The following MGAT5 variants were observed in gnomAD, a reference collection of about 807,000 sequenced individuals.
The protein encoded by MGAT5 is alpha-1,6-mannosylglycoprotein 6-beta-N-acetylglucosaminyltransferase.
In MGAT5, 30 loss-of-function variants were observed where a neutral mutation model predicts 94.3. The ratio of observed to expected loss-of-function variants is 0.32; its 90% CI spans 0.24 to 0.43. The LOEUF (loss-of-function observed/expected upper bound fraction) is 0.43, where lower values mean the gene tolerates loss of function less well. MGAT5 is among the 20% of genes least tolerant of loss of function. The pLI, the probability that MGAT5 is intolerant of heterozygous loss-of-function variation, is 1.00. For missense variants in MGAT5, 691 were observed against 905.5 expected, an observed-to-expected ratio of 0.76 and a Z score of 3.04; for synonymous variants, 310 against 322.9, an observed-to-expected ratio of 0.96 and a Z score of 0.43.
intron 3 of MGAT5, 40 bp from the exon 4 acceptor site, chr2:134,318,610 C>T (rs764149992): frequency 8.3e-6 from 12 of 1,442,244 alleles, no homozygotes; most frequent in Non-Finnish European, 1.2e-5. Context: ...ATGTGGAGGG[C>T]CTGTGAATGG....
chr2:134,267,693 A>G (rs578072220), intron 1 of MGAT5, among the ~76,000 whole-genome samples: 2 of 152,350 alleles, frequency 1.3e-5, no homozygotes, highest in African/African-American at 2.4e-5. Context: ...ACTATCACCA[A>G]TAACAATGGA....
intron 2 of MGAT5, among the ~76,000 whole-genome samples, chr2:134,315,609 G>A (rs1023734645): frequency 2.0e-5 from 3 of 152,212 alleles, no homozygotes; most frequent in African/African-American, 7.2e-5. Context: ...AGTAAAAGTT[G>A]TGTGGAATTA....
chr2:134,133,679 T>G (rs896442006), intron 1 of MGAT5, among the ~76,000 whole-genome samples: 2 of 152,214 alleles, frequency 1.3e-5, no homozygotes, highest in African/African-American at 4.8e-5. Flanking sequence ...GAGAAAGGTT[T>G]AATCAAAGGG....
chr2:134,286,709 C>T (rs761096202), intron 2 of MGAT5, among the ~76,000 whole-genome samples: 11 of 152,276 alleles, frequency 7.2e-5, no homozygotes, highest in South Asian at 4.1e-4. Context: ...TGAGCCACCG[C>T]GCCCAACTGA....
intron 2 of MGAT5, among the ~76,000 whole-genome samples, chr2:134,292,426 A>C (rs1168000202): frequency 1.3e-5 from 2 of 152,144 alleles, no homozygotes; most frequent in Non-Finnish European, 2.9e-5. Flanking sequence ...TCACAGGTGG[A>C]ACAACTCTCT....
At chr2:134,336,312 T>C (rs2105980184) in intron 5 of MGAT5, 24 bp downstream of exon 5, 1 of 1,596,132 alleles carries the variant, frequency 6.3e-7, no homozygotes, top group African/African-American at 1.3e-5. Context: ...GAAAACTCTT[T>C]CTAGACTTGT....
intron 1 of MGAT5, among the ~76,000 whole-genome samples, chr2:134,233,487 T>C (rs1681475669): frequency 6.6e-6 from 1 of 152,260 alleles, no homozygotes; most frequent in African/African-American, 2.4e-5. Flanking sequence ...GTGCATTTTT[T>C]TTATGTGTTT....
chr2:134,325,359 T>C (rs1441870937), intron 4 of MGAT5, among the ~76,000 whole-genome samples: 1 of 152,128 alleles, frequency 6.6e-6, no homozygotes, highest in Non-Finnish European at 1.5e-5. Flanking sequence ...CTAAAAATAC[T>C]TTTAAAATTA....
rs140360637 is a variant in MGAT5 at position 134,371,169 on chromosome 2, G to T, written c.1380+8761G>T. ...GCTTGGGTGGCAAAGGAGATGCCCGGATTCTCATTTCCGTTGAGCCATTTA... is the reference window on the plus strand; with the variant it reads ...GCTTGGGTGGCAAAGGAGATGCCCGTATTCTCATTTCCGTTGAGCCATTTA... On this transcript the variant is annotated intron_variant, in intron 10 of 15. Transcript: ENST00000281923. Among the ~76,000 whole-genome samples the T allele has an allele frequency of 8.3e-3, 1,257 of 152,270 alleles. 9 individuals are homozygous for T. The highest frequency in any genetic ancestry group is 0.012 in the Non-Finnish European group (825 of 68,008).
intron 1 of MGAT5, among the ~76,000 whole-genome samples, chr2:134,186,662 C>A (rs1689051015): frequency 6.6e-6 from 1 of 152,108 alleles, no homozygotes; most frequent in African/African-American, 2.4e-5. Flanking sequence ...GTGCCTTGTC[C>A]CTGCCAGCTG....
chr2:134,170,210 T>C (rs904356808), intron 1 of MGAT5, among the ~76,000 whole-genome samples: 2 of 152,252 alleles, frequency 1.3e-5, no homozygotes, highest in African/African-American at 4.8e-5. Flanking sequence ...AGGATTGTTT[T>C]CTAGAAACAA....
At chr2:134,201,191 C>T (rs1314188174) in intron 1 of MGAT5, among the ~76,000 whole-genome samples, 2 of 151,966 alleles carry the variant, frequency 1.3e-5, no homozygotes, top group Admixed American at 6.5e-5. Context: ...GGTCTTTGCC[C>T]TCTGGAGGGC....
intron 1 of MGAT5, among the ~76,000 whole-genome samples, chr2:134,151,496 ACTC>A (rs1687173160): frequency 7.2e-6 from 1 of 138,266 alleles, no homozygotes; most frequent in East Asian, 2.2e-4. Flanking sequence ...GACCTCACTC[ACTC>A]ATGCCCTGTG....
intron 2 of MGAT5, among the ~76,000 whole-genome samples, chr2:134,300,782 G>A (rs910373471): frequency 2.0e-5 from 3 of 152,128 alleles, no homozygotes; most frequent in Non-Finnish European, 4.4e-5. Context: ...AGTGAAGGTC[G>A]TTGGCAAAGG....
rs199871701 is a variant in MGAT5 at position 134,198,147 on chromosome 2, A to G, written c.-142-56115A>G. Among the ~76,000 whole-genome samples, 23 of 152,322 alleles carry G rather than the reference A, an allele frequency of 1.5e-4. No homozygotes were observed. In the Middle Eastern group the frequency reaches 0.01, roughly 68 times the overall value. ...GCCTGTATAGCCAAGAAGGGTAGCA[A>G]TAGTCCTTCTTCTTCTGGTTCTTCA... On this transcript the variant is annotated intron_variant, in intron 1 of 16. Coordinates refer to the MGAT5 transcript ENST00000409645.
chr2:134,311,096 G>T (rs1433039553), intron 2 of MGAT5, among the ~76,000 whole-genome samples: 1 of 152,212 alleles, frequency 6.6e-6, no homozygotes, highest in Non-Finnish European at 1.5e-5. Flanking sequence ...GAGTGTCATT[G>T]CCCTGAATGG....
At chr2:134,207,471 A>G (rs113079425) in intron 1 of MGAT5, among the ~76,000 whole-genome samples, 1 of 152,036 alleles carries the variant, frequency 6.6e-6, no homozygotes, top group African/African-American at 2.4e-5. Flanking sequence ...ATGCATGGGT[A>G]TCTTCTTCCA....
chr2:134,409,000 C>G (rs545154914), intron 11 of MGAT5, among the ~76,000 whole-genome samples: 5 of 152,172 alleles, frequency 3.3e-5, no homozygotes, highest in African/African-American at 1.2e-4. Flanking sequence ...GAATATCCCT[C>G]CCCGTTTTTT....
chr2:134,159,221 G>GTGTGTGTA (rs905883385), intron 1 of MGAT5, among the ~76,000 whole-genome samples: 2 of 150,452 alleles, frequency 1.3e-5, no homozygotes, highest in African/African-American at 4.9e-5. Flanking sequence ...GTGTGTGTGT[G>GTGTGTGTA]TGTGGTCCCT....
Sources: gnomAD v4.1 joint callset for allele counts (sites outside exome capture counted in the v4.1 genomes callset) on GRCh38, gnomAD v4.1.1 for gene constraint, MANE v1.5 for transcripts, NCBI Gene and HGNC (gene_info 2026-07-23, HGNC 2026-07-21) for gene names.